The following MGST1 variants were observed in gnomAD, a reference collection of about 807,000 sequenced individuals.
MGST1 encodes the protein microsomal glutathione S-transferase 1, also known as glutathione S-transferase 12.
In MGST1, 5 loss-of-function variants were observed where a neutral mutation model predicts 8.9. The observed-to-expected ratio is 0.56, with a 90% confidence interval of 0.29 to 1.19. MGST1 has a LOEUF of 1.19. Among genes scored for constraint, MGST1 ranks in the 50% most tolerant of loss-of-function variants. The probability of loss-of-function intolerance (pLI) is 0.08; values close to 1 mark genes in which losing one functional copy is unlikely to be tolerated. For synonymous variants in MGST1, 54 were observed against 67.8 expected, an observed-to-expected ratio of 0.80 and a Z score of 1.00; for missense variants, 182 against 187.4, an observed-to-expected ratio of 0.97 and a Z score of 0.17.
chr12:16,566,120 G>A (rs1025275888), intron 4 of MGST1, among the ~76,000 whole-genome samples: 3 of 146,654 alleles, frequency 2.0e-5, no homozygotes, highest in Non-Finnish European at 4.5e-5. Flanking sequence ...AGGGCATCAT[G>A]TTAAATGAAA....
At chr12:16,538,653 G>C (rs1407101712) in intron 4 of MGST1, among the ~76,000 whole-genome samples, 1 of 147,858 alleles carries the variant, frequency 6.8e-6, no homozygotes, top group Non-Finnish European at 1.5e-5. Context: ...CTGTCACCCA[G>C]GCTGGAGTGC....
intron 1 of MGST1, among the ~76,000 whole-genome samples, chr12:16,396,646 C>T (rs573044581): frequency 8.5e-5 from 13 of 152,100 alleles, no homozygotes; most frequent in African/African-American, 1.7e-4. Context: ...CCAACAGCAA[C>T]CAAGCTGAGA....
At position 16,364,282 on chromosome 12, in the gene MGST1, TG is replaced by T. The variant is rs1940140025; in HGVS notation, c.*243del. The T allele has an allele frequency of 1.0e-5, 12 of 1,180,526 alleles. No homozygotes were observed. The highest frequency in any genetic ancestry group is 1.3e-5 in the Non-Finnish European group (12 of 951,730). The allele number at this position is 1,180,526 out of a possible 1,614,324, so 73.1% of individuals were successfully genotyped here. A position where few individuals can be genotyped will look rare whatever the true frequency, so the allele number is the denominator to read the frequency against. ...TTTTTAAAGTACTTTCTTATAAATTTGGATCATGTTATGATTTGTAACATTC... is the reference window on the plus strand; with the variant it reads ...TTTTTAAAGTACTTTCTTATAAATTTGATCATGTTATGATTTGTAACATTC... On this transcript the variant is annotated 3_prime_UTR_variant, in exon 4 of 4. Coordinates refer to ENST00000396210, the MANE Select transcript of MGST1 (RefSeq NM_020300.5). This position sits in a 1 kb window ranked among gnomAD's most constrained non-coding sequence, Gnocchi z 5.7.
intron 4 of MGST1, among the ~76,000 whole-genome samples, chr12:16,505,049 C>A (rs781699809): frequency 5.9e-5 from 9 of 152,158 alleles, no homozygotes; most frequent in African/African-American, 1.9e-4. Context: ...TCTGTCTCAA[C>A]AAATTATTTT....
At chr12:16,376,381 C>G (rs1395809155) in exon 4 of MGST1, 2 of 343,270 alleles carry the variant, frequency 5.8e-6, no homozygotes, top group African/African-American at 2.1e-5. Flanking sequence ...ACTGTGTGGA[C>G]AAAAACACTG....
downstream of MGST1, among the ~76,000 whole-genome samples, chr12:16,380,422 G>T (rs945994643): frequency 7.2e-5 from 11 of 152,168 alleles, no homozygotes; most frequent in African/African-American, 1.9e-4. Context: ...TCAGGAGCAG[G>T]TTGTTCAGTT....
downstream of MGST1, among the ~76,000 whole-genome samples, chr12:16,591,107 A>G (rs148521022): frequency 6.6e-6 from 1 of 152,194 alleles, no homozygotes; most frequent in East Asian, 1.9e-4. The surrounding 1 kb of genome is among the most constrained non-coding windows in gnomAD (Gnocchi z 4.1). Context: ...TTAGAAATGT[A>G]TACGGGGCAT....
Position 16,560,692 on chromosome 12 carries a change from T to C in MGST1, n.483-28836T>C. ...TTTATCCTAGGTGTATGCATAAATA[T>C]TCTTCTGCAATATATTCTCCGTTGA... is the stretch of plus-strand genomic sequence containing the variant. On this transcript the variant is annotated intron_variant and non_coding_transcript_variant, in intron 4 of 4. Transcript: ENST00000538857. The surrounding 1 kb of genome is among the most constrained non-coding windows in gnomAD (Gnocchi z 5.0). 3.0e-6 allele frequency: 2 copies of C among 671,666 alleles called. No homozygotes were observed. The highest frequency in any genetic ancestry group is 3.7e-5 in the South Asian group (2 of 54,052). The allele number at this position is 671,666 out of a possible 1,614,324, so 41.6% of individuals were successfully genotyped here. A position where few individuals can be genotyped will look rare whatever the true frequency, so the allele number is the denominator to read the frequency against.
chr12:16,523,894 GA>G (rs1179483254), intron 4 of MGST1, among the ~76,000 whole-genome samples: 2 of 152,046 alleles, frequency 1.3e-5, no homozygotes, highest in Admixed American at 6.6e-5. Flanking sequence ...AACTACTTTG[GA>G]AAAACAGTTT....
chr12:16,354,272 T>A lies in MGST1; in HGVS notation c.20T>A (p.Val7Glu), dbSNP rs775022234. Residue 7 changes from valine (V) to glutamate (E), a missense_variant, in exon 2 of 4, where the codon GTA becomes GAA. Transcript: ENST00000396210. ...GAAAAAATGGTTGACCTCACCCAGG[T>A]AATGGATGATGAAGTATTCATGGCT... is the stretch of plus-strand genomic sequence containing the variant. MVDLTQ[V>E]MDDEVFMAFA... The A allele has an allele frequency of 6.2e-7, 1 of 1,602,860 alleles. No homozygotes were observed. Among genetic ancestry groups the A allele is most frequent in the East Asian group, 2.2e-5 (1 of 44,476 alleles).
At chr12:16,427,009 TTC>T (rs1377005107) in intron 1 of MGST1, among the ~76,000 whole-genome samples, 2 of 151,656 alleles carry the variant, frequency 1.3e-5, no homozygotes, top group Non-Finnish European at 1.5e-5. Flanking sequence ...CAGAATTATA[TTC>T]ATTCATTAAT....
At chr12:16,481,626 G>T (rs1591741465) in intron 4 of MGST1, among the ~76,000 whole-genome samples, 1 of 152,094 alleles carries the variant, frequency 6.6e-6, no homozygotes, top group African/African-American at 2.4e-5. Flanking sequence ...GATGAGTCAA[G>T]GAGTAGATTG....
chr12:16,446,460 A>AT (rs760851216), intron 4 of MGST1, among the ~76,000 whole-genome samples: 12 of 151,504 alleles, frequency 7.9e-5, no homozygotes, highest in African/African-American at 2.2e-4. Context: ...TCATTCCTGC[A>AT]TTTTTTTTGG....
At position 16,569,212 on chromosome 12, in the gene MGST1, A is replaced by C. The variant is rs1176731386; in HGVS notation, n.483-20316A>C. On this transcript the variant is annotated intron_variant and non_coding_transcript_variant, in intron 4 of 4. Transcript: ENST00000538857. Reference sequence around the variant, plus strand: ...AAAATATCCCATGTCTACACACAAAACCTTACACAATTATTTAGTGTCAGA... The same window carrying C: ...AAAATATCCCATGTCTACACACAAACCCTTACACAATTATTTAGTGTCAGA... Among the ~76,000 whole-genome samples, 7 of 152,252 alleles carry C rather than the reference A, an allele frequency of 4.6e-5. No homozygotes were observed. The East Asian group carries it at 1.4e-3, about 29-fold the overall frequency.
chr12:16,510,406 G>C (rs1941569379), intron 4 of MGST1, among the ~76,000 whole-genome samples: 1 of 152,208 alleles, frequency 6.6e-6, no homozygotes, highest in Non-Finnish European at 1.5e-5. Flanking sequence ...GACAGCATTT[G>C]CTAATTAGCA....
At chr12:16,573,582 C>T (rs1012357336) in intron 4 of MGST1, 3 of 152,300 alleles carry the variant, frequency 2.0e-5, no homozygotes, top group Admixed American at 2.0e-4. Context: ...GAGCCTTAAG[C>T]TTCTTAATGT....
intron 1 of MGST1, among the ~76,000 whole-genome samples, chr12:16,388,875 C>T (rs960252259): frequency 3.3e-5 from 5 of 152,166 alleles, no homozygotes; most frequent in African/African-American, 9.7e-5. Flanking sequence ...TCTGTCCTTC[C>T]AGAACTCCTG....
Position 16,585,367 on chromosome 12 carries a change from TAAAC to T in MGST1, n.483-4158_483-4155del, listed in dbSNP as rs1943286449. Among the ~76,000 whole-genome samples, 1 of 152,228 alleles carries T rather than the reference TAAAC, an allele frequency of 6.6e-6. No individual in the cohort carries two copies. The highest frequency in any genetic ancestry group is 2.1e-4 in the South Asian group (1 of 4,836). On this transcript the variant is annotated intron_variant and non_coding_transcript_variant, in intron 4 of 4. Transcript: ENST00000538857. The surrounding 1 kb of genome is among the most constrained non-coding windows in gnomAD (Gnocchi z 4.7). Reference sequence around the variant, plus strand: ...TTTAAAAAGTGGATTAACTTTATGTTAAACAATCACTTGGCCACAAAGATTAATA... The same window carrying T: ...TTTAAAAAGTGGATTAACTTTATGTTAATCACTTGGCCACAAAGATTAATA...
chr12:16,581,754 G>T (rs777836689), intron 4 of MGST1, among the ~76,000 whole-genome samples: 5 of 151,702 alleles, frequency 3.3e-5, no homozygotes, highest in Admixed American at 6.6e-5. Flanking sequence ...CCTTTAAAAA[G>T]ATTTCTTCAT....
Sources: allele counts gnomAD v4.1 joint callset (sites outside exome capture counted in the v4.1 genomes callset), GRCh38; gene constraint gnomAD v4.1.1; non-coding constraint Gnocchi (gnomAD v3.1); transcripts MANE v1.5; gene names NCBI Gene and HGNC (gene_info 2026-07-23, HGNC 2026-07-21).